The following ALCAM variants were observed in gnomAD, a reference collection of about 807,000 sequenced individuals.
ALCAM encodes the protein activated leukocyte cell adhesion molecule.
Under a neutral mutation model 70.9 loss-of-function variants are expected in ALCAM, and 30 were observed. The observed-to-expected ratio is 0.42, with a 90% CI of 0.32 to 0.57. The LOEUF is 0.57. Among genes scored for constraint, ALCAM ranks in the 20% least tolerant of loss-of-function variants. ALCAM has a pLI of 0.11. For synonymous variants in ALCAM, 249 were observed against 242.5 expected, an observed-to-expected ratio of 1.03 and a Z score of -0.25; for missense variants, 591 against 695.1, an observed-to-expected ratio of 0.85 and a Z score of 1.68.
intron 1 of ALCAM, among the ~76,000 whole-genome samples, chr3:105,438,863 T>C (rs1167653840): frequency 6.6e-6 from 1 of 151,680 alleles, no homozygotes; most frequent in Non-Finnish European, 1.5e-5. Context: ...CAGAGTGAGA[T>C]CTTGTTTAAA....
chr3:105,422,114 A>C (rs1183059044), intron 1 of ALCAM, among the ~76,000 whole-genome samples: 2 of 151,418 alleles, frequency 1.3e-5, no homozygotes, highest in Non-Finnish European at 3.0e-5. Context: ...TTCCTGAGTG[A>C]CTTCATTTAG....
chr3:105,532,640 G>A (rs952234887), intron 4 of ALCAM, among the ~76,000 whole-genome samples: 4 of 151,892 alleles, frequency 2.6e-5, no homozygotes. Flanking sequence ...GATGAAAGAT[G>A]AATAGATTTT....
intron 1 of ALCAM, among the ~76,000 whole-genome samples, chr3:105,414,262 A>G (rs894744676): frequency 6.7e-5 from 10 of 149,236 alleles, no homozygotes; most frequent in Non-Finnish European, 1.0e-4. Context: ...AAAAAAATGC[A>G]GAAATTAGCC....
chr3:105,411,192 A>G (rs1936380890), intron 1 of ALCAM, among the ~76,000 whole-genome samples: 1 of 152,086 alleles, frequency 6.6e-6, no homozygotes, highest in Admixed American at 6.6e-5. Flanking sequence ...TTGCTGCAGT[A>G]TCTTTATAAA....
At chr3:105,370,141 A>G (rs1935189200) in intron 1 of ALCAM, among the ~76,000 whole-genome samples, 1 of 152,190 alleles carries the variant, frequency 6.6e-6, no homozygotes. Flanking sequence ...AGCACACATA[A>G]AGCTTTCTTC....
chr3:105,561,167 A>T (rs879283519), intron 14 of ALCAM, among the ~76,000 whole-genome samples: 34 of 152,158 alleles, frequency 2.2e-4, no homozygotes, highest in Non-Finnish European at 3.5e-4. Flanking sequence ...AATACAATTA[A>T]TTTTGTAATG....
intron 1 of ALCAM, among the ~76,000 whole-genome samples, chr3:105,401,698 A>G (rs1936092971): frequency 6.6e-6 from 1 of 152,190 alleles, no homozygotes; most frequent in Non-Finnish European, 1.5e-5. Flanking sequence ...GAAGTTGAGT[A>G]AAGTTGCCAC....
chr3:105,401,453 G>T (rs1347809876), intron 1 of ALCAM, among the ~76,000 whole-genome samples: 2 of 152,148 alleles, frequency 1.3e-5, no homozygotes, highest in East Asian at 3.9e-4. Context: ...CAAGAAATAC[G>T]CTGTATTTTC....
At chr3:105,426,884 AT>A (rs761429403) in intron 1 of ALCAM, among the ~76,000 whole-genome samples, 12 of 151,822 alleles carry the variant, frequency 7.9e-5, no homozygotes, top group African/African-American at 2.7e-4. Flanking sequence ...CTTATTTTCA[AT>A]TTTTTTTATT....
chr3:105,373,041 T>C (rs1935276965), intron 1 of ALCAM, among the ~76,000 whole-genome samples: 1 of 152,134 alleles, frequency 6.6e-6, no homozygotes, highest in Non-Finnish European at 1.5e-5. Flanking sequence ...AATTTTACCC[T>C]CACCTGGCCC....
chr3:105,476,746 C>T (rs140073488), intron 1 of ALCAM, among the ~76,000 whole-genome samples: 7 of 152,014 alleles, frequency 4.6e-5, no homozygotes, highest in African/African-American at 1.2e-4. Context: ...TTTGTTCTTT[C>T]GTTTAGTCTC....
chr3:105,565,499 T>G (rs1404518063), intron 14 of ALCAM, among the ~76,000 whole-genome samples: 1 of 152,206 alleles, frequency 6.6e-6, no homozygotes, highest in Non-Finnish European at 1.5e-5. Context: ...CTTCTCTTTC[T>G]ATTATTATTA....
Position 105,534,788 on chromosome 3 carries a change from T to G in ALCAM, c.673T>G (p.Tyr225Asp). 1 of 1,613,796 alleles carries G rather than the reference T, an allele frequency of 6.2e-7. No homozygotes were observed. Among genetic ancestry groups the G allele is most frequent in the Middle Eastern group, 1.7e-4 (1 of 6,054 alleles). ...GCCATTCACCTGCTCGGTGACATAT[T>G]ATGGACCATCTGGCCAGAAAACAAT... ...QMPFTCSVTYYGPSGQKTIHS... is the reference protein window; with the variant it reads ...QMPFTCSVTYDGPSGQKTIHS... Residue 225 changes from tyrosine (Y) to aspartate (D), a missense_variant, in exon 6 of 16, where the codon TAT becomes GAT. This residue lies in a region of ALCAM where 427 missense variants were observed against 450.4 expected (regional missense o/e 0.95). Coordinates refer to ENST00000306107, the MANE Select transcript of ALCAM (RefSeq NM_001627.4).
At chr3:105,436,303 T>C (rs1462819014) in intron 1 of ALCAM, among the ~76,000 whole-genome samples, 1 of 152,162 alleles carries the variant, frequency 6.6e-6, no homozygotes, top group African/African-American at 2.4e-5. Flanking sequence ...TTAAAATCCA[T>C]CCATTCAACA....
chr3:105,539,757 A>T (rs890966960), intron 6 of ALCAM, among the ~76,000 whole-genome samples: 8 of 152,074 alleles, frequency 5.3e-5, no homozygotes, highest in South Asian at 2.1e-4. Context: ...GAAGAAATTG[A>T]TTTTTATGTA....
At chr3:105,463,835 T>G (rs1184240492) in intron 1 of ALCAM, among the ~76,000 whole-genome samples, 1 of 151,428 alleles carries the variant, frequency 6.6e-6, no homozygotes, top group Non-Finnish European at 1.5e-5. Flanking sequence ...GTATTTTCCC[T>G]GAAGTCCCTT....
At chr3:105,545,614 A>G (rs1388520560) in intron 9 of ALCAM, among the ~76,000 whole-genome samples, 1 of 151,510 alleles carries the variant, frequency 6.6e-6, no homozygotes, top group Non-Finnish European at 1.5e-5. Context: ...ATGTGTGCAC[A>G]TACAAACATA....
chr3:105,427,306 C>A (rs1484080553), intron 1 of ALCAM, among the ~76,000 whole-genome samples: 1 of 151,906 alleles, frequency 6.6e-6, no homozygotes, highest in Admixed American at 6.6e-5. Flanking sequence ...GCTGCAGTTG[C>A]CCCTACCTCT....
intron 14 of ALCAM, among the ~76,000 whole-genome samples, chr3:105,565,039 A>G (rs1940712305): frequency 6.6e-6 from 1 of 152,132 alleles, no homozygotes; most frequent in South Asian, 2.1e-4. Context: ...GGAAAGAAAA[A>G]AAAACAGAGG....
Sources: allele counts gnomAD v4.1 joint callset (sites outside exome capture counted in the v4.1 genomes callset), GRCh38; gene constraint gnomAD v4.1.1; regional missense constraint gnomAD v4.1.1; transcripts MANE v1.5; gene names NCBI Gene and HGNC (gene_info 2026-07-23, HGNC 2026-07-21).